Variants in TENM2 observed in about 807,000 individuals in gnomAD.
TENM2 encodes the protein teneurin transmembrane protein 2, also known as teneurin-2.
In TENM2, 52 loss-of-function variants were observed where a neutral mutation model predicts 245.2. That is an observed-to-expected ratio of 0.21 (90% CI 0.17 to 0.27). The LOEUF (loss-of-function observed/expected upper bound fraction) is 0.27, where lower values mean the gene tolerates loss of function less well. Among genes scored for constraint, TENM2 ranks in the 10% least tolerant of loss-of-function variants. The pLI, the probability that TENM2 is intolerant of heterozygous loss-of-function variation, is 1.00. For synonymous variants in TENM2, 1,363 were observed against 1,438.9 expected (o/e 0.95, Z 1.19); for missense variants, 3,046 against 3,666.8 (o/e 0.83, Z 4.37).
At chr5:167,333,366 C>T (rs900048154) in intron 1 of TENM2, among the ~76,000 whole-genome samples, 3 of 152,036 alleles carry the variant, frequency 2.0e-5, no homozygotes, top group African/African-American at 4.8e-5. Flanking sequence ...TAGCACCTCT[C>T]GTAAGATTAT....
chr5:167,358,846 CACACA>C (rs1759519409), intron 1 of TENM2, among the ~76,000 whole-genome samples: 1 of 111,230 alleles, frequency 9.0e-6, no homozygotes, highest in South Asian at 2.9e-4. Flanking sequence ...CACACACACA[CACACA>C]CCCTGCTGTT....
At chr5:168,231,385 G>A (rs1057088554) in intron 25 of TENM2, among the ~76,000 whole-genome samples, 9 of 152,190 alleles carry the variant, frequency 5.9e-5, no homozygotes, top group South Asian at 4.1e-4. Context: ...AAAGAATGTC[G>A]CCAGTGGAAA....
At position 167,953,606 on chromosome 5, in the gene TENM2, T is replaced by C. The variant is rs77198647; in HGVS notation, c.947+784T>C. 1,448 of 152,566 alleles carry C rather than the reference T, an allele frequency of 9.5e-3. 14 individuals carry two copies. Among genetic ancestry groups the C allele is most frequent in the Non-Finnish European group, 0.015 (990 of 68,086 alleles). 9.5% of individuals were successfully genotyped at this position (152,566 alleles called of 1,614,324 possible). ...TGGCCAGACTCTGAAACAGCCTTGC[T>C]GCTCTATCCCCAGGCACATTCTTGG... is the stretch of plus-strand genomic sequence containing the variant. On this transcript the variant is annotated intron_variant, in intron 4 of 28. Coordinates refer to ENST00000518659, the Ensembl canonical transcript of TENM2.
chr5:168,174,609 G>T (rs568885657), intron 13 of TENM2, among the ~76,000 whole-genome samples: 3 of 152,212 alleles, frequency 2.0e-5, no homozygotes, highest in African/African-American at 7.2e-5. Flanking sequence ...ATGCTGTTGC[G>T]TTGAGAACCA....
At position 167,623,859 on chromosome 5, in the gene TENM2, T is replaced by C. The variant is rs1286429398; in HGVS notation, c.502+248386T>C. ...AATGTATTTAAAAGTTAGGTGTTTT[T>C]CCATGGTAAGATACCATCTCACACC... On this transcript the variant is annotated intron_variant, in intron 2 of 28. Transcript: ENST00000518659. 9.9e-5 allele frequency among the ~76,000 whole-genome samples: 15 copies of C among 152,256 alleles called. No individual in the cohort carries two copies. The East Asian group carries it at 2.7e-3, about 27-fold the overall frequency.
the TENM2 span, among the ~76,000 whole-genome samples, chr5:167,234,510 GT>G: frequency 8.5e-5 from 13 of 152,310 alleles, no homozygotes; most frequent in African/African-American, 3.1e-4. Context: ...CTATTTTGAA[GT>G]AAAAATCAAC....
At chr5:167,418,859 C>T (rs1236352294) in intron 2 of TENM2, among the ~76,000 whole-genome samples, 1 of 152,050 alleles carries the variant, frequency 6.6e-6, no homozygotes, top group Admixed American at 6.6e-5. Context: ...GGAATTACAT[C>T]CTATCCCTTG....
intron 14 of TENM2, 171 bp downstream of exon 16, chr5:168,190,718 G>A (rs1450356805): frequency 5.0e-6 from 3 of 599,628 alleles, no homozygotes; most frequent in Non-Finnish European, 5.9e-6. Flanking sequence ...ACTTTGTGTT[G>A]GGCTCCAGAA....
rs373329090 is a variant in TENM2, at chr5:167,546,572, G to A, written c.502+171099G>A. On this transcript the variant is annotated intron_variant, in intron 2 of 28. Transcript: ENST00000518659. The stretch of plus-strand genomic sequence containing the variant: ...TAAAGTGACAGAAGGTTGCACAGAA[G>A]GTAAATATTCTTTGCGATGTAAACC... 1.3e-3 allele frequency among the ~76,000 whole-genome samples: 192 copies of A among 152,272 alleles called. 5 individuals carry two copies. The South Asian group carries it at 0.031, about 24-fold the overall frequency.
intron 3 of TENM2, among the ~76,000 whole-genome samples, chr5:167,941,133 G>A (rs1467580511): frequency 1.3e-5 from 2 of 152,176 alleles, no homozygotes; most frequent in Admixed American, 6.5e-5. Context: ...AACTCAGGAC[G>A]TCAGTGAATT....
At chr5:167,899,920 G>A (rs1280595333) in intron 3 of TENM2, among the ~76,000 whole-genome samples, 1 of 151,972 alleles carries the variant, frequency 6.6e-6, no homozygotes, top group Non-Finnish European at 1.5e-5. Context: ...TAATTTGAAA[G>A]GTCTTGTTTA....
At chr5:167,406,417 G>A (rs573826477) in intron 2 of TENM2, among the ~76,000 whole-genome samples, 195 of 152,230 alleles carry the variant, frequency 1.3e-3, no homozygotes, top group African/African-American at 4.5e-3. Context: ...ATGCTTAGTT[G>A]CTTATTCTGA....
intron 17 of TENM2, among the ~76,000 whole-genome samples, chr5:168,200,655 C>T (rs1455389696): frequency 6.6e-6 from 1 of 152,176 alleles, no homozygotes; most frequent in Non-Finnish European, 1.5e-5. Flanking sequence ...CACAGAATGA[C>T]CCTGAATAAT....
At chr5:168,026,752 T>C (rs1038028857) in intron 5 of TENM2, among the ~76,000 whole-genome samples, 2 of 152,104 alleles carry the variant, frequency 1.3e-5, no homozygotes, top group African/African-American at 4.8e-5. Context: ...CTAAACAAGA[T>C]AATTCTTGAA....
At chr5:167,522,778 T>C (rs1206602879) in intron 2 of TENM2, among the ~76,000 whole-genome samples, 1 of 150,698 alleles carries the variant, frequency 6.6e-6, no homozygotes, top group Non-Finnish European at 1.5e-5. Context: ...TACTACTACA[T>C]CCTACTTTGT....
At chr5:167,307,701 C>T (rs558252271) in intron 1 of TENM2, among the ~76,000 whole-genome samples, 180 of 152,244 alleles carry the variant, frequency 1.2e-3, no homozygotes, top group Non-Finnish European at 2.0e-3. Flanking sequence ...ATTGTTCCTT[C>T]CCCTAAATTC....
At chr5:167,468,228 C>T (rs2053060) in intron 2 of TENM2, among the ~76,000 whole-genome samples, 35,601 of 152,112 alleles carry the variant, frequency 0.23, 4,217 homozygotes, top group Non-Finnish European at 0.26. Context: ...TGAGCCACCA[C>T]GCCCATCCCA....
chr5:167,805,310 CTTA>C (rs1459630627), intron 2 of TENM2, among the ~76,000 whole-genome samples: 2 of 152,112 alleles, frequency 1.3e-5, no homozygotes, highest in Non-Finnish European at 2.9e-5. Flanking sequence ...ATGGGGGATA[CTTA>C]TTAAAAGAAT....
chr5:167,337,603 A>T (rs910855158), intron 1 of TENM2, among the ~76,000 whole-genome samples: 1 of 152,204 alleles, frequency 6.6e-6, no homozygotes, highest in Non-Finnish European at 1.5e-5. Context: ...AGGAATTGAC[A>T]GTTGAGTTGG....
Sources: gnomAD v4.1 joint callset for allele counts (sites outside exome capture counted in the v4.1 genomes callset) on GRCh38, gnomAD v4.1.1 for gene constraint, MANE v1.5 for transcripts, NCBI Gene and HGNC (gene_info 2026-07-23, HGNC 2026-07-21) for gene names.